Variants in ZRANB3 observed in about 807,000 individuals in gnomAD.
ZRANB3 encodes the protein DNA annealing helicase and endonuclease ZRANB3.
In ZRANB3, 125 loss-of-function variants were observed where a neutral mutation model predicts 133.8. The observed-to-expected ratio is 0.93, with a 90% CI of 0.81 to 1.08. The LOEUF (loss-of-function observed/expected upper bound fraction) is 1.08, where lower values mean the gene tolerates loss of function less well. Among genes scored for constraint, ZRANB3 ranks in the 50% least tolerant of loss-of-function variants. ZRANB3 has a pLI of 0.00. For synonymous variants in ZRANB3, 387 were observed against 432.7 expected (o/e 0.89, Z 1.31); for missense variants, 1,229 against 1,275.5 (o/e 0.96, Z 0.56).
intron 2 of ZRANB3, among the ~76,000 whole-genome samples, chr2:135,460,073 G>A (rs1690695942): frequency 6.6e-6 from 1 of 152,068 alleles, no homozygotes; most frequent in Non-Finnish European, 1.5e-5. Context: ...GGTGAATGGG[G>A]CAGGGGTAGG....
At chr2:135,302,738 C>T (rs1378251503) in intron 8 of ZRANB3, among the ~76,000 whole-genome samples, 1 of 152,104 alleles carries the variant, frequency 6.6e-6, no homozygotes, top group Admixed American at 6.6e-5. Context: ...GCTGGCCAGG[C>T]TGGTCTCGAA....
intron 3 of ZRANB3, among the ~76,000 whole-genome samples, chr2:135,377,661 C>T (rs1385806865): frequency 2.6e-5 from 4 of 152,150 alleles, no homozygotes; most frequent in African/African-American, 9.7e-5. Context: ...CAATTAATAT[C>T]CATGAGTCCA....
intron 2 of ZRANB3, among the ~76,000 whole-genome samples, chr2:135,456,913 T>C (rs1239035538): frequency 1.3e-5 from 2 of 152,222 alleles, no homozygotes; most frequent in African/African-American, 4.8e-5. Flanking sequence ...AGGGGCAGGA[T>C]TGACAAGGAA....
chr2:135,515,384 G>T (rs543850366), intron 1 of ZRANB3, among the ~76,000 whole-genome samples: 1 of 151,892 alleles, frequency 6.6e-6, no homozygotes, highest in Non-Finnish European at 1.5e-5. Flanking sequence ...TTAGGGTGTC[G>T]ATTTTAGATC....
intron 3 of ZRANB3, among the ~76,000 whole-genome samples, chr2:135,380,366 C>A (rs148429653): frequency 0.01 from 1,573 of 152,296 alleles, 25 homozygotes; most frequent in African/African-American, 0.036. Flanking sequence ...ATACATTCTT[C>A]TCAGCATCAC....
intron 2 of ZRANB3, among the ~76,000 whole-genome samples, chr2:135,413,294 T>C (rs550996485): frequency 1.9e-4 from 29 of 152,284 alleles, no homozygotes; most frequent in African/African-American, 7.0e-4. Context: ...TCTATCCCTC[T>C]CTTACGTGTT....
At chr2:135,297,623 G>A (rs1682208022) in intron 8 of ZRANB3, among the ~76,000 whole-genome samples, 1 of 152,164 alleles carries the variant, frequency 6.6e-6, no homozygotes, top group Non-Finnish European at 1.5e-5. Flanking sequence ...AGATGAACCC[G>A]GTACCTCAGT....
intron 2 of ZRANB3, among the ~76,000 whole-genome samples, chr2:135,452,413 T>C (rs569756805): frequency 3.9e-4 from 59 of 152,118 alleles, no homozygotes; most frequent in Non-Finnish European, 7.6e-4. Context: ...AATCATGCCT[T>C]CCCAACAGTC....
chr2:135,380,702 G>T (rs1195286002), intron 3 of ZRANB3, among the ~76,000 whole-genome samples: 2 of 152,176 alleles, frequency 1.3e-5, no homozygotes, highest in Non-Finnish European at 2.9e-5. Flanking sequence ...ATGCCCTTAA[G>T]AGAAAGCAGG....
At chr2:135,516,232 T>A (rs1221177419) in intron 1 of ZRANB3, among the ~76,000 whole-genome samples, 4 of 152,204 alleles carry the variant, frequency 2.6e-5, no homozygotes, top group African/African-American at 7.2e-5. Flanking sequence ...CTTGACTCTA[T>A]CCAGTTTGCC....
At chr2:135,316,983 A>AATATAT (rs1553471635) in intron 6 of ZRANB3, among the ~76,000 whole-genome samples, 56 of 131,462 alleles carry the variant, frequency 4.3e-4, no homozygotes, top group African/African-American at 1.6e-3. Flanking sequence ...AAAAAAAAAA[A>AATATAT]ATATATATAT....
intron 14 of ZRANB3, among the ~76,000 whole-genome samples, chr2:135,225,020 C>CT (rs1285184759): frequency 6.6e-6 from 1 of 152,132 alleles, no homozygotes; most frequent in East Asian, 1.9e-4. Context: ...ATAATCTCTT[C>CT]TTTTTTAGCC....
At chr2:135,493,415 T>C (rs946214921) in intron 2 of ZRANB3, among the ~76,000 whole-genome samples, 5 of 151,228 alleles carry the variant, frequency 3.3e-5, no homozygotes, top group African/African-American at 9.7e-5. Context: ...AAAAGTCTTA[T>C]ATCTAGAATA....
At chr2:135,296,339 C>T (rs948302621) in intron 8 of ZRANB3, among the ~76,000 whole-genome samples, 2 of 152,184 alleles carry the variant, frequency 1.3e-5, no homozygotes, top group East Asian at 1.9e-4. Flanking sequence ...GATCTTCCAT[C>T]GCTGATACAC....
At chr2:135,244,108 A>C (rs1042225103) in intron 12 of ZRANB3, among the ~76,000 whole-genome samples, 3 of 90,368 alleles carry the variant, frequency 3.3e-5, no homozygotes, top group Non-Finnish European at 3.9e-5. Flanking sequence ...TTTCCCCACC[A>C]AAAAAAAAAA....
At chr2:135,451,561 C>CA (rs1440147372) in intron 2 of ZRANB3, among the ~76,000 whole-genome samples, 1 of 145,340 alleles carries the variant, frequency 6.9e-6, no homozygotes, top group East Asian at 2.0e-4. Flanking sequence ...GACTCCATCT[C>CA]AAAAAAACAA....
intron 1 of ZRANB3, among the ~76,000 whole-genome samples, chr2:135,524,117 G>A (rs574680188): frequency 6.6e-6 from 1 of 151,060 alleles, no homozygotes; most frequent in South Asian, 2.1e-4. Context: ...AAAGAGTTTC[G>A]CTCTTGTTGC....
intron 3 of ZRANB3, among the ~76,000 whole-genome samples, chr2:135,367,347 G>C (rs1461319234): frequency 2.6e-5 from 4 of 152,294 alleles, no homozygotes; most frequent in East Asian, 3.9e-4. Flanking sequence ...CAGTGGACTG[G>C]AGGCGGGGAC....
chr2:135,278,589 C>A (rs943094197), intron 8 of ZRANB3, among the ~76,000 whole-genome samples: 4 of 152,052 alleles, frequency 2.6e-5, no homozygotes, highest in Non-Finnish European at 5.9e-5. Flanking sequence ...GGTGAAATTT[C>A]TTTAAGAAGA....
Sources: gnomAD v4.1 joint callset for allele counts (sites outside exome capture counted in the v4.1 genomes callset) on GRCh38, gnomAD v4.1.1 for gene constraint, MANE v1.5 for transcripts, NCBI Gene and HGNC (gene_info 2026-07-23, HGNC 2026-07-21) for gene names.